TSPEAR: variants seen among roughly 807,000 people sequenced by gnomAD.
TSPEAR encodes thrombospondin-type laminin G domain and EAR repeat-containing protein.
Under a neutral mutation model 71.6 loss-of-function variants are expected in TSPEAR, and 69 were observed. The observed-to-expected ratio is 0.96, with a 90% confidence interval of 0.79 to 1.18. The LOEUF is 1.18. TSPEAR is among the 50% of genes most tolerant of loss of function. The pLI, the probability that TSPEAR is intolerant of heterozygous loss-of-function variation, is 0.00. For missense variants in TSPEAR, 971 were observed against 894.9 expected, an observed-to-expected ratio of 1.09 and a Z score of -1.09; for synonymous variants, 402 against 387.2, an observed-to-expected ratio of 1.04 and a Z score of -0.45.
chr21:44,612,914 T>G lies in TSPEAR; in HGVS notation c.83-44909A>C, dbSNP rs782427171. The G allele has an allele frequency of 1.2e-5, 20 of 1,604,722 alleles. 1 individual carries two copies. The highest frequency in any genetic ancestry group is 1.8e-4 in the Middle Eastern group (1 of 5,446). Reference sequence around the variant, plus strand: ...CTCAGGCCAGGAGTCCAGCTGCTGATGGGCACGTCCCCCAGGGCCAGCCGG... The same window carrying G: ...CTCAGGCCAGGAGTCCAGCTGCTGAGGGGCACGTCCCCCAGGGCCAGCCGG... On this transcript the variant is annotated intron_variant, in intron 1 of 11. Transcript: ENST00000323084. The surrounding 1 kb of genome is among the most constrained non-coding windows in gnomAD (Gnocchi z 4.1).
In TSPEAR at chr21:44,710,166, C is replaced by A. The variant is rs1245320562; in HGVS notation, c.82+1267G>T. 2.0e-5 allele frequency among the ~76,000 whole-genome samples: 3 copies of A among 152,140 alleles called. No homozygotes were observed. Among genetic ancestry groups the A allele is most frequent in the African/African-American group, 4.8e-5 (2 of 41,426 alleles). On this transcript the variant is annotated intron_variant, in intron 1 of 11. Transcript: ENST00000323084. The surrounding 1 kb of genome is among the most constrained non-coding windows in gnomAD (Gnocchi z 4.6). Reference sequence around the variant, plus strand: ...GGGAGAAAGGCTGGCGCTGCGCCCTCCATCGCGTGAAGCCAGGGGATTTTG... The same window carrying A: ...GGGAGAAAGGCTGGCGCTGCGCCCTACATCGCGTGAAGCCAGGGGATTTTG...
Position 44,711,325 on chromosome 21 carries a change from C to T in TSPEAR, c.82+108G>A. 1 of 1,037,900 alleles carries T rather than the reference C, an allele frequency of 9.6e-7. No homozygotes were observed. Among genetic ancestry groups the T allele is most frequent in the East Asian group, 2.7e-5 (1 of 37,720 alleles). The allele number at this position is 1,037,900 out of a possible 1,614,324, so 64.3% of individuals were successfully genotyped here. A position where few individuals can be genotyped will look rare whatever the true frequency, so the allele number is the denominator to read the frequency against. ...CCTGCCAGTCCTGCCAAAGCGTCCT[C>T]GGGCACCGCGGCTTGAATCAGTGTT... On this transcript the variant is annotated intron_variant, in intron 1 of 11. Coordinates refer to ENST00000323084, the MANE Select transcript of TSPEAR (RefSeq NM_144991.3). This position sits in a 1 kb window ranked among gnomAD's most constrained non-coding sequence, Gnocchi z 4.5.
chr21:44,518,217 C>G (rs1555913735), intron 9 of TSPEAR: 2 of 430,330 alleles, frequency 4.6e-6, no homozygotes, highest in Admixed American at 3.2e-5. Context: ...CTAGAGCTAG[C>G]TCAGTTTCTT....
chr21:44,518,653 C>G (rs782009699), intron 9 of TSPEAR: 1 of 470,796 alleles, frequency 2.1e-6, no homozygotes, highest in Admixed American at 2.3e-5. Flanking sequence ...TCTCAAGACC[C>G]CCTGGAGGCC....
In TSPEAR at chr21:44,612,809, C is replaced by A; in HGVS notation, c.83-44804G>T. ...TTGTGTCCCTGCCTCCTCCTGCCAGCCCAGCTGCTGCCACCCGGCCTCCTG... is the reference window on the plus strand; with the variant it reads ...TTGTGTCCCTGCCTCCTCCTGCCAGACCAGCTGCTGCCACCCGGCCTCCTG... On this transcript the variant is annotated intron_variant, in intron 1 of 11. Transcript: ENST00000323084. The surrounding 1 kb of genome is among the most constrained non-coding windows in gnomAD (Gnocchi z 4.1). The A allele has an allele frequency of 6.2e-7, 1 of 1,613,370 alleles. No homozygotes were observed. The highest frequency in any genetic ancestry group is 8.5e-7 in the Non-Finnish European group (1 of 1,179,934).
intron 1 of TSPEAR, among the ~76,000 whole-genome samples, chr21:44,586,530 T>C (rs1168131455): frequency 6.6e-6 from 1 of 152,180 alleles, no homozygotes; most frequent in Non-Finnish European, 1.5e-5. Context: ...CATTTGTTTT[T>C]AGCGTATTCC....
intron 1 of TSPEAR, among the ~76,000 whole-genome samples, chr21:44,664,751 CAA>C (rs1555944351): frequency 6.6e-6 from 1 of 152,164 alleles, no homozygotes; most frequent in Non-Finnish European, 1.5e-5. Flanking sequence ...GACATTTACC[CAA>C]GAGAAAGAAA....
chr21:44,521,995 C>T lies in TSPEAR; in HGVS notation c.1454G>A (p.Gly485Glu). ...GGCCACCACCAGGAACGAGTAGGGCCCCACACTGAAGAACTCCCAGTCGTA... is the reference window on the plus strand; with the variant it reads ...GGCCACCACCAGGAACGAGTAGGGCTCCACACTGAAGAACTCCCAGTCGTA... ...GAYDWEFFSV[G>E]PYSFLVVANT... The change falls in exon 9 of 12, where the codon GGG (glycine) becomes GAG (glutamate). Residue 485 changes from glycine (G) to glutamate (E), a missense_variant. Physicochemically the swap from Gly to Glu is moderately conservative, Grantham distance 98. Coordinates refer to ENST00000323084, the MANE Select transcript of TSPEAR (RefSeq NM_144991.3). The T allele has an allele frequency of 6.2e-7, 1 of 1,614,142 alleles. No individual in the cohort carries two copies. Among genetic ancestry groups the T allele is most frequent in the South Asian group, 1.1e-5 (1 of 91,084 alleles).
chr21:44,638,185 G>A (rs782406448), intron 1 of TSPEAR: 1 of 1,593,816 alleles, frequency 6.3e-7, no homozygotes, highest in East Asian at 2.2e-5. Flanking sequence ...AGCCCTGGAT[G>A]TGATCCGGAG....
At chr21:44,704,690 A>G (rs1465402062) in intron 1 of TSPEAR, among the ~76,000 whole-genome samples, 2 of 152,194 alleles carry the variant, frequency 1.3e-5, no homozygotes, top group Admixed American at 1.3e-4. Flanking sequence ...CCAGAAGTCT[A>G]CCACGGGGAC....
chr21:44,581,852 T>C (rs1452717415), intron 1 of TSPEAR, among the ~76,000 whole-genome samples: 1 of 152,226 alleles, frequency 6.6e-6, no homozygotes, highest in African/African-American at 2.4e-5. Flanking sequence ...GTTCATTTGA[T>C]TTTCTGAGTA....
chr21:44,591,377 T>A, intron 1 of TSPEAR: 1 of 1,596,204 alleles, frequency 6.3e-7, no homozygotes, highest in Middle Eastern at 1.7e-4. Context: ...CCGGATCACA[T>A]CCAGGGCTGT....
intron 1 of TSPEAR, among the ~76,000 whole-genome samples, chr21:44,595,461 A>G (rs1039076745): frequency 2.0e-5 from 3 of 152,168 alleles, no homozygotes; most frequent in African/African-American, 7.2e-5. Flanking sequence ...AAGACACCTT[A>G]CTGAATCTAT....
chr21:44,615,016 C>T (rs1445357952), intron 1 of TSPEAR, among the ~76,000 whole-genome samples: 2 of 152,174 alleles, frequency 1.3e-5, no homozygotes, highest in Non-Finnish European at 2.9e-5. Context: ...CATCGCTCAC[C>T]GGACGTGGCA....
intron 1 of TSPEAR, chr21:44,591,286 C>T (rs1979802268): frequency 6.7e-7 from 1 of 1,482,108 alleles, no homozygotes. Flanking sequence ...AGAGCCTGCC[C>T]CATCTTCTGA....
rs370086957 is a variant in TSPEAR at position 44,667,578 on chromosome 21, T to C, written c.82+43855A>G. Among the ~76,000 whole-genome samples, 5 of 152,262 alleles carry C rather than the reference T, an allele frequency of 3.3e-5. No homozygotes were observed. The East Asian group carries it at 7.7e-4, about 24-fold the overall frequency. ...CACAGCTCTAAGGAAATCAAGCTGG[T>C]CCAAGCATGTTCCCAGGGAAGCATG... On this transcript the variant is annotated intron_variant, in intron 1 of 11. Coordinates refer to ENST00000323084, the MANE Select transcript of TSPEAR (RefSeq NM_144991.3).
intron 2 of TSPEAR, chr21:44,550,831 A>G: frequency 6.5e-7 from 1 of 1,535,412 alleles, no homozygotes; most frequent in Non-Finnish European, 8.9e-7. Context: ...GACTGCTGGC[A>G]GCACGGAGAG....
rs913629750 is a variant in TSPEAR, at chr21:44,509,333, G to A, written c.1620C>T (p.Leu540=). Residue 540 remains leucine, a synonymous_variant, in exon 10 of 12, where the codon CTC becomes CTT. Coordinates refer to ENST00000323084, the MANE Select transcript of TSPEAR (RefSeq NM_144991.3). The part of the protein sequence containing the change: ...EVFQIGERIF[L]AVANSHSYDV... ...CGTAGCTGTGACTGTTTGCCACAGC[G>A]AGGAAGATCCTCTCCCCGATCTGGA... is the stretch of plus-strand genomic sequence containing the variant. 13 of 1,613,978 alleles carry A rather than the reference G, an allele frequency of 8.1e-6. No homozygotes were observed. Among genetic ancestry groups the A allele is most frequent in the South Asian group, 4.4e-5 (4 of 91,076 alleles).
intron 1 of TSPEAR, chr21:44,580,601 C>T (rs1216676188): frequency 8.2e-6 from 13 of 1,592,902 alleles, no homozygotes; most frequent in African/African-American, 8.0e-5. Flanking sequence ...AAGACGTGAG[C>T]TGGGAGCTGG....
Sources: gnomAD v4.1 joint callset for allele counts (sites outside exome capture counted in the v4.1 genomes callset) on GRCh38, gnomAD v4.1.1 for gene constraint, Gnocchi (gnomAD v3.1) non-coding constraint, MANE v1.5 for transcripts, NCBI Gene and HGNC (gene_info 2026-07-23, HGNC 2026-07-21) for gene names.